Variants in PHF14 observed in about 807,000 individuals in gnomAD.
PHF14 encodes PHD finger protein 14.
PHF14 carries 55 observed loss-of-function variants against 117.9 expected under a neutral mutation model. That is an observed-to-expected ratio of 0.47 (90% CI 0.38 to 0.58). PHF14 has a LOEUF of 0.58. Ranked by LOEUF, PHF14 falls within the 20% of genes least tolerant of loss-of-function variation. PHF14 has a pLI of 0.00. For missense variants in PHF14, 978 were observed against 1,122.2 expected (o/e 0.87, Z 1.84); for synonymous variants, 409 against 368.6 (o/e 1.11, Z -1.26).
intron 16 of PHF14, chr7:11,108,521 A>G (rs890742869): frequency 6.6e-6 from 1 of 151,804 alleles, no homozygotes; most frequent in Non-Finnish European, 1.5e-5. Context: ...GGAATGCATC[A>G]CAAATACATG....
At chr7:11,088,876 AAACCTGTTTTATGTCAT>A (rs1786530617) in intron 16 of PHF14, among the ~76,000 whole-genome samples, 1 of 152,144 alleles carries the variant, frequency 6.6e-6, no homozygotes, top group South Asian at 2.1e-4. Context: ...AGGAATGAGG[AAACCTGTTTTATGTCAT>A]AAGTATATGC....
intron 7 of PHF14, among the ~76,000 whole-genome samples, chr7:11,031,737 A>G (rs1784127992): frequency 6.6e-6 from 1 of 152,160 alleles, no homozygotes; most frequent in Admixed American, 6.5e-5. Context: ...TGGAGAATAG[A>G]GTGAGACCCT....
chr7:11,137,921 A>G lies in PHF14; in HGVS notation c.2772+26454A>G, dbSNP rs186985134. Among the ~76,000 whole-genome samples the G allele has an allele frequency of 7.1e-3, 1,080 of 152,116 alleles. 8 individuals are homozygous for G. The highest frequency in any genetic ancestry group is 0.012 in the Non-Finnish European group (845 of 67,982). ...CATTCTTAATCTTGTATTAAATAAA[A>G]AGGTAACCTTTATACCTAGCTCTTT... On this transcript the variant is annotated intron_variant, in intron 17 of 17. Coordinates refer to ENST00000634607, the MANE Select transcript of PHF14 (RefSeq NM_001007157.2).
chr7:11,035,202 A>ATT (rs1237315751), intron 7 of PHF14, among the ~76,000 whole-genome samples: 1 of 152,134 alleles, frequency 6.6e-6, no homozygotes, highest in African/African-American at 2.4e-5. Context: ...ATTAGGTATT[A>ATT]TAAGTAATGT....
intron 16 of PHF14, among the ~76,000 whole-genome samples, chr7:11,100,614 A>G (rs1286603912): frequency 1.3e-5 from 2 of 152,022 alleles, no homozygotes; most frequent in Admixed American, 6.6e-5. Context: ...GCCAAGATTT[A>G]TTGAGGGCTT....
At chr7:11,147,383 T>TATC (rs1196933342) in intron 17 of PHF14, among the ~76,000 whole-genome samples, 4 of 152,180 alleles carry the variant, frequency 2.6e-5, no homozygotes, top group African/African-American at 9.7e-5. Context: ...CTCCAGTTAT[T>TATC]ATCCATGTTC....
At chr7:11,074,362 C>A (rs911067886) in intron 16 of PHF14, among the ~76,000 whole-genome samples, 5 of 151,964 alleles carry the variant, frequency 3.3e-5, no homozygotes, top group Admixed American at 2.0e-4. Context: ...AGGCGCCTGC[C>A]ACCACGCCCA....
At chr7:11,070,360 G>C (rs929636866) in intron 16 of PHF14, among the ~76,000 whole-genome samples, 5 of 152,234 alleles carry the variant, frequency 3.3e-5, no homozygotes, top group African/African-American at 9.6e-5. Flanking sequence ...TTACAGGCAT[G>C]AGCCGCTGTA....
chr7:11,005,553 C>T lies in PHF14; in HGVS notation c.1046-8194C>T, dbSNP rs1028789652. On this transcript the variant is annotated intron_variant, in intron 4 of 17. Coordinates refer to ENST00000634607, the MANE Select transcript of PHF14 (RefSeq NM_001007157.2). ...TACCTCTAAATAAACTGGATAAATC[C>T]CTAAGATATTTTTCTACAACTTGCT... Among the ~76,000 whole-genome samples the T allele has an allele frequency of 5.9e-5, 9 of 152,204 alleles. No homozygotes were observed. In the South Asian group the frequency reaches 1.7e-3, roughly 28 times the overall value.
chr7:11,102,825 A>G (rs1431004133), intron 16 of PHF14: 4 of 1,251,348 alleles, frequency 3.2e-6, no homozygotes, highest in Non-Finnish European at 4.0e-6. Context: ...TACTGGATAC[A>G]TGTCTTGTCA....
At chr7:11,005,413 TAC>T (rs764152135) in intron 4 of PHF14, among the ~76,000 whole-genome samples, 1 of 152,238 alleles carries the variant, frequency 6.6e-6, no homozygotes, top group African/African-American at 2.4e-5. Flanking sequence ...TGTTACTTAT[TAC>T]ATTGTCCAAG....
chr7:11,089,438 C>T (rs374457982), intron 16 of PHF14, among the ~76,000 whole-genome samples: 1 of 152,126 alleles, frequency 6.6e-6, no homozygotes, highest in Non-Finnish European at 1.5e-5. Flanking sequence ...TACCTGTAAT[C>T]CCAGCACCTA....
At chr7:11,111,889 C>G (rs1246826763) in intron 17 of PHF14, among the ~76,000 whole-genome samples, 1 of 113,198 alleles carries the variant, frequency 8.8e-6, no homozygotes, top group Non-Finnish European at 1.8e-5. Flanking sequence ...ATTGTAATAT[C>G]TTATAGAATC....
In PHF14 at chr7:11,130,132, T is replaced by C. The variant is rs1208961642; in HGVS notation, c.2772+18665T>C. 1.3e-5 allele frequency among the ~76,000 whole-genome samples: 2 copies of C among 152,028 alleles called. No homozygotes were observed. Among genetic ancestry groups the C allele is most frequent in the African/African-American group, 4.8e-5 (2 of 41,404 alleles). ...TTGGGGACCCGAGCTGATGGAGGTT[T>C]TGTTTCAACATATGTGGTCCACAGC... On this transcript the variant is annotated intron_variant, in intron 17 of 17. Transcript: ENST00000634607. This position sits in a 1 kb window ranked among gnomAD's most constrained non-coding sequence, Gnocchi z 4.2.
intron 10 of PHF14, 38 bp downstream of exon 10, chr7:11,037,129 A>G: frequency 7.0e-7 from 1 of 1,431,094 alleles, no homozygotes; most frequent in South Asian, 1.4e-5. Context: ...AATGTGATAG[A>G]TCTTACTGAT....
chr7:11,118,008 G>C (rs1787648352), intron 17 of PHF14, among the ~76,000 whole-genome samples: 1 of 151,754 alleles, frequency 6.6e-6, no homozygotes, highest in African/African-American at 2.4e-5. Flanking sequence ...ATACCACTCA[G>C]CTGTCTAAAT....
Position 11,107,225 on chromosome 7 carries a change from C to T in PHF14, c.2655-4125C>T, listed in dbSNP as rs1583471203. The T allele has an allele frequency of 3.1e-6, 3 of 977,138 alleles. No homozygotes were observed. The East Asian group carries it at 3.4e-4, about 112-fold the overall frequency. The allele number at this position is 977,138 out of a possible 1,614,324, so 60.5% of individuals were successfully genotyped here. On this transcript the variant is annotated intron_variant, in intron 16 of 17. Transcript: ENST00000634607. Reference sequence around the variant, plus strand: ...TGCATATTCTCAATAGTCAGGTAAACACCTGACTAATTGCTTGTTATATGG... The same window carrying T: ...TGCATATTCTCAATAGTCAGGTAAATACCTGACTAATTGCTTGTTATATGG...
intron 16 of PHF14, among the ~76,000 whole-genome samples, chr7:11,069,767 C>T (rs2128332525): frequency 6.6e-6 from 1 of 150,406 alleles, no homozygotes; most frequent in South Asian, 2.1e-4. Context: ...AACTCCTGGG[C>T]TTAAGTGATC....
At chr7:11,026,530 C>G (rs1342913176) in intron 6 of PHF14, among the ~76,000 whole-genome samples, 3 of 152,146 alleles carry the variant, frequency 2.0e-5, no homozygotes, top group Non-Finnish European at 2.9e-5. Flanking sequence ...GCACTTAGAA[C>G]TAGAAAAGGC....
Sources: gnomAD v4.1 joint callset for allele counts (sites outside exome capture counted in the v4.1 genomes callset) on GRCh38, gnomAD v4.1.1 for gene constraint, Gnocchi (gnomAD v3.1) non-coding constraint, MANE v1.5 for transcripts, NCBI Gene and HGNC (gene_info 2026-07-23, HGNC 2026-07-21) for gene names.